The following LRRC36 variants were observed in gnomAD, a reference collection of about 807,000 sequenced individuals.
LRRC36 encodes the protein leucine rich repeat containing 36.
In LRRC36, 62 loss-of-function variants were observed where a neutral mutation model predicts 81.1. The observed-to-expected ratio is 0.76, with a 90% CI of 0.62 to 0.94. The LOEUF (loss-of-function observed/expected upper bound fraction) is 0.94, where lower values mean the gene tolerates loss of function less well. Ranked by LOEUF, LRRC36 falls within the 40% of genes least tolerant of loss-of-function variation. The pLI is 0.00. For synonymous variants in LRRC36, 334 were observed against 348.6 expected, an observed-to-expected ratio of 0.96 and a Z score of 0.47; for missense variants, 761 against 881.7, an observed-to-expected ratio of 0.86 and a Z score of 1.73.
chr16:67,378,440 G>A (rs1362959099), intron 11 of LRRC36, 149 bp from the exon 12 acceptor site: 18 of 539,966 alleles, frequency 3.3e-5, no homozygotes, highest in African/African-American at 7.8e-5. Flanking sequence ...GGGTTTCACC[G>A]TGTTGCCCAG....
At chr16:67,348,924 TTA>T (rs1318765303) in intron 4 of LRRC36, among the ~76,000 whole-genome samples, 2 of 152,214 alleles carry the variant, frequency 1.3e-5, no homozygotes, top group African/African-American at 4.8e-5. Context: ...CTCTGATCCA[TTA>T]TATGTTTTTT....
chr16:67,339,258 G>GT (rs2037914479), intron 1 of LRRC36, among the ~76,000 whole-genome samples: 1 of 125,868 alleles, frequency 7.9e-6, no homozygotes, highest in Non-Finnish European at 1.6e-5. Flanking sequence ...TGTTAATACT[G>GT]TAAAAAAAAA....
At chr16:67,330,180 T>G (rs1442379490) in intron 1 of LRRC36, among the ~76,000 whole-genome samples, 1 of 150,776 alleles carries the variant, frequency 6.6e-6, no homozygotes, top group African/African-American at 2.4e-5. Flanking sequence ...CAGGTTGGAT[T>G]TTTTTTTTTT....
chr16:67,377,774 A>G (rs2039960082), intron 11 of LRRC36, among the ~76,000 whole-genome samples: 1 of 152,006 alleles, frequency 6.6e-6, no homozygotes, highest in Non-Finnish European at 1.5e-5. Flanking sequence ...TGCTAGGACT[A>G]CAGGCACACG....
At chr16:67,363,460 G>C (rs968663412) in intron 5 of LRRC36, 130 bp from the exon 6 acceptor site, 6 of 759,106 alleles carry the variant, frequency 7.9e-6, no homozygotes, top group Non-Finnish European at 1.3e-5. Context: ...AATTCATGTG[G>C]TCTCCAAGTG....
chr16:67,333,506 A>G (rs1284722767), intron 1 of LRRC36, among the ~76,000 whole-genome samples: 16 of 152,136 alleles, frequency 1.1e-4, no homozygotes, highest in Admixed American at 1.0e-3. Flanking sequence ...CTACCTATAT[A>G]TAGTTCCAGA....
Position 67,378,615 on chromosome 16 carries a change from A to G in LRRC36, c.1833A>G (p.Arg611=). 6.2e-7 allele frequency: 1 copy of G among 1,614,084 alleles called. No individual in the cohort carries two copies. Among genetic ancestry groups the G allele is most frequent in the African/African-American group, 1.3e-5 (1 of 75,056 alleles). Residue 611 remains arginine, a synonymous_variant, in exon 12 of 14, where the codon AGA becomes AGG. Transcript: ENST00000329956. ...AAAGTTTGAAGCAAAAACTGGTCAG[A>G]GTGCTGGAGGAAAACCTCATTTTGT... ...DMESLKQKLV[R]VLEENLILSE...
At position 67,365,291 on chromosome 16, in the gene LRRC36, G is replaced by C. The variant is rs180953533; in HGVS notation, c.703-13G>C. Reference sequence around the variant, plus strand: ...TGGACTTCCTTCTACCTAAACTTTCGAACTTTTTTTAGACACAGGAAGTAG... The same window carrying C: ...TGGACTTCCTTCTACCTAAACTTTCCAACTTTTTTTAGACACAGGAAGTAG... On this transcript the variant is annotated splice_polypyrimidine_tract_variant and intron_variant, in intron 6 of 13. Coordinates refer to ENST00000329956, the MANE Select transcript of LRRC36 (RefSeq NM_018296.6). 10 of 1,610,312 alleles carry C rather than the reference G, an allele frequency of 6.2e-6. No individual in the cohort carries two copies. The East Asian group carries it at 2.2e-4, about 36-fold the overall frequency.
intron 5 of LRRC36, among the ~76,000 whole-genome samples, chr16:67,352,445 A>C (rs1437986245): frequency 6.6e-6 from 1 of 152,156 alleles, no homozygotes; most frequent in Non-Finnish European, 1.5e-5. Context: ...GCGAATGGGC[A>C]CTGAACCTCC....
In LRRC36 at chr16:67,375,327, G is replaced by A. The variant is rs1030152961; in HGVS notation, c.1575G>A (p.Val525=). Residue 525 remains valine, a synonymous_variant, in exon 10 of 14, where the codon GTG becomes GTA. Coordinates refer to ENST00000329956, the MANE Select transcript of LRRC36 (RefSeq NM_018296.6). ...SPPISARTPH[V]ATVLRQLLEL... ...CCATCTCTGCCAGAACCCCCCATGT[G>A]GCCACTGTCCTCAGACAGCTCCTGG... 1 of 1,611,826 alleles carries A rather than the reference G, an allele frequency of 6.2e-7. No homozygotes were observed. Among genetic ancestry groups the A allele is most frequent in the Non-Finnish European group, 8.5e-7 (1 of 1,179,558 alleles).
chr16:67,375,890 G>A (rs1482633572), intron 10 of LRRC36, among the ~76,000 whole-genome samples: 1 of 152,162 alleles, frequency 6.6e-6, no homozygotes, highest in Non-Finnish European at 1.5e-5. Flanking sequence ...GGAGAAAACA[G>A]TTTTGCAAAT....
At position 67,367,269 on chromosome 16, in the gene LRRC36, G is replaced by A; in HGVS notation, c.1007G>A (p.Cys336Tyr). 1 of 1,614,182 alleles carries A rather than the reference G, an allele frequency of 6.2e-7. No individual in the cohort carries two copies. ...GTTGGTCTGGAAAATTATGACAGTT[G>A]TTATTCTCAAACTCTATCCCTGCAT... is the stretch of plus-strand genomic sequence containing the variant. ...SDVGLENYDS[C>Y]YSQTLSLHGS... Residue 336 changes from cysteine (C) to tyrosine (Y), a missense_variant, in exon 8 of 14, where the codon TGT becomes TAT. This residue lies in a region of LRRC36 where 139 missense variants were observed against 214.0 expected (regional missense o/e 0.65). Transcript: ENST00000329956.
chr16:67,332,350 G>T (rs1001338058), intron 1 of LRRC36, among the ~76,000 whole-genome samples: 1 of 152,066 alleles, frequency 6.6e-6, no homozygotes, highest in African/African-American at 2.4e-5. Context: ...TCAGGAGATC[G>T]AGACAACCCT....
chr16:67,385,134 C>A lies in LRRC36; in HGVS notation c.*45C>A. Reference sequence around the variant, plus strand: ...CCACAGCTTCCCTGGTCCACAGAGGCTCTCACCGCCATTGCCACCAGTATG... The same window carrying A: ...CCACAGCTTCCCTGGTCCACAGAGGATCTCACCGCCATTGCCACCAGTATG... On this transcript the variant is annotated 3_prime_UTR_variant, in exon 14 of 14. Transcript: ENST00000329956. 1.4e-6 allele frequency: 2 copies of A among 1,453,240 alleles called. No homozygotes were observed. Among genetic ancestry groups the A allele is most frequent in the South Asian group, 1.2e-5 (1 of 86,518 alleles). 90.0% of individuals were successfully genotyped at this position (1,453,240 alleles called of 1,614,324 possible). A position where few individuals can be genotyped will look rare whatever the true frequency, so the allele number is the denominator to read the frequency against.
chr16:67,357,194 A>G (rs951754984), intron 5 of LRRC36, among the ~76,000 whole-genome samples: 3 of 152,234 alleles, frequency 2.0e-5, no homozygotes, highest in Non-Finnish European at 2.9e-5. Flanking sequence ...ATATAGTTCA[A>G]ACTTCAGAAG....
intron 1 of LRRC36, among the ~76,000 whole-genome samples, chr16:67,333,946 A>T (rs1362987725): frequency 6.6e-6 from 1 of 152,128 alleles, no homozygotes; most frequent in Non-Finnish European, 1.5e-5. Flanking sequence ...TAAAGTCCAT[A>T]GTTTACATTA....
Position 67,347,581 on chromosome 16 carries a change from G to T in LRRC36, c.478G>T (p.Val160Leu), listed in dbSNP as rs199918049. Reference protein sequence around the residue: ...LGNSENFLLEVEKSSREKTMK... With the variant: ...LGNSENFLLELEKSSREKTMK... ...CAACAGTGAAAATTTTCTTTTAGAG[G>T]TGGAAAAAAGGTAAGAAGATTCTTT... is the stretch of plus-strand genomic sequence containing the variant. The change falls in exon 4 of 14, where the codon GTG (valine) becomes TTG (leucine). Residue 160 changes from valine to leucine, a missense_variant. Val to Leu is a conservative substitution (Grantham distance 32, BLOSUM62 1). Around this residue, in one of 3 missense-constraint regions of LRRC36, gnomAD observed 263 missense variants for 279.3 expected, o/e 0.94. Transcript: ENST00000329956. 41 of 1,610,966 alleles carry T rather than the reference G, an allele frequency of 2.5e-5. No individual in the cohort carries two copies. The East Asian group carries it at 8.5e-4, about 33-fold the overall frequency.
At chr16:67,343,706 A>G (rs918237802) in intron 2 of LRRC36, among the ~76,000 whole-genome samples, 3 of 151,934 alleles carry the variant, frequency 2.0e-5, no homozygotes, top group African/African-American at 7.3e-5. Flanking sequence ...AAAAAAAAAA[A>G]TCAAGTTAAC....
chr16:67,334,484 C>T (rs2037662102), intron 1 of LRRC36, among the ~76,000 whole-genome samples: 1 of 152,068 alleles, frequency 6.6e-6, no homozygotes, highest in Non-Finnish European at 1.5e-5. Flanking sequence ...GCCACCATGC[C>T]TGGCTGATTT....
Sources: gnomAD v4.1 joint callset for allele counts (sites outside exome capture counted in the v4.1 genomes callset) on GRCh38, gnomAD v4.1.1 for gene constraint, gnomAD v4.1.1 regional missense constraint, MANE v1.5 for transcripts, NCBI Gene and HGNC (gene_info 2026-07-23, HGNC 2026-07-21) for gene names.